The following KCNN2 variants were observed in gnomAD, a reference collection of about 807,000 sequenced individuals.
KCNN2 encodes potassium calcium-activated channel subfamily N member 2.
A neutral mutation model predicts 55.5 loss-of-function variants in KCNN2; 24 were observed. That is an observed-to-expected ratio of 0.43 (90% CI 0.31 to 0.61). The LOEUF (loss-of-function observed/expected upper bound fraction) is 0.61, where lower values mean the gene tolerates loss of function less well. Ranked by LOEUF, KCNN2 falls within the 20% of genes least tolerant of loss-of-function variation. The pLI, the probability that KCNN2 is intolerant of heterozygous loss-of-function variation, is 0.08. For synonymous variants in KCNN2, 431 were observed against 336.1 expected, an observed-to-expected ratio of 1.28 and a Z score of -3.09; for missense variants, 754 against 853.6, an observed-to-expected ratio of 0.88 and a Z score of 1.45.
chr5:114,380,378 C>T (rs402876), intron 2 of KCNN2, among the ~76,000 whole-genome samples: 1 of 152,134 alleles, frequency 6.6e-6, no homozygotes, highest in Non-Finnish European at 1.5e-5. Context: ...TGCCCTGGCT[C>T]TCTCTCATTT....
At chr5:114,159,159 T>C (rs1752707870) in intron 1 of KCNN2, among the ~76,000 whole-genome samples, 3 of 152,192 alleles carry the variant, frequency 2.0e-5, no homozygotes, top group African/African-American at 7.2e-5. Context: ...TAGCGCTTAT[T>C]ATTTTGAGAT....
upstream of KCNN2, among the ~76,000 whole-genome samples, chr5:114,357,980 A>G (rs902762883): frequency 3.1e-4 from 47 of 150,438 alleles, no homozygotes; most frequent in African/African-American, 1.1e-3. Context: ...TGACTTTTTA[A>G]TGATCACCAT....
chr5:114,148,802 A>T (rs763560030), intron 1 of KCNN2, among the ~76,000 whole-genome samples: 5 of 152,090 alleles, frequency 3.3e-5, no homozygotes, highest in Non-Finnish European at 5.9e-5. Flanking sequence ...AAACAAGGAG[A>T]GATCAAATTC....
chr5:114,210,370 T>C lies in KCNN2; in HGVS notation c.-270-11110T>C, dbSNP rs114434731. Among the ~76,000 whole-genome samples, 388 of 152,268 alleles carry C rather than the reference T, an allele frequency of 2.5e-3. 4 individuals carry two copies. The highest frequency in any genetic ancestry group is 9.0e-3 in the African/African-American group (374 of 41,552). ...GAGCTGTCAAGGAAAATGTTGCAAC[T>C]GGAGGCTGGTAGGAACCTAACCCTG... On this transcript the variant is annotated intron_variant, in intron 1 of 10. Transcript: ENST00000512097.
At chr5:114,369,464 G>C (rs1049780131) in intron 2 of KCNN2, among the ~76,000 whole-genome samples, 3 of 152,132 alleles carry the variant, frequency 2.0e-5, no homozygotes, top group African/African-American at 7.2e-5. Context: ...ATCTTGGATT[G>C]GTCTTAAGTT....
chr5:114,294,019 C>G (rs1356342306), intron 2 of KCNN2, among the ~76,000 whole-genome samples: 1 of 152,154 alleles, frequency 6.6e-6, no homozygotes, highest in African/African-American at 2.4e-5. Context: ...GTTTGTATTT[C>G]TGTGGGATCG....
chr5:114,198,642 C>T (rs1392654851), intron 1 of KCNN2, among the ~76,000 whole-genome samples: 4 of 151,816 alleles, frequency 2.6e-5, no homozygotes, highest in East Asian at 3.9e-4. Context: ...AATGCTGAAT[C>T]GAGTAGTATT....
intron 5 of KCNN2, among the ~76,000 whole-genome samples, chr5:114,482,927 C>T (rs550882992): frequency 2.6e-5 from 4 of 151,934 alleles, no homozygotes; most frequent in East Asian, 3.9e-4. Flanking sequence ...AGCTAATGGA[C>T]GCTGGGTTTA....
At position 114,363,120 on chromosome 5, in the gene KCNN2, G is replaced by A; in HGVS notation, c.981G>A (p.Gln327=). ...SGTKSSKKKN[Q]NIGYKLGHRR... is the part of the protein sequence containing the mutation. ...CCAAGTCCAGCAAAAAGAAAAACCA[G>A]AACATCGGCTACAAGCTGGGCCACC... Residue 327 remains glutamine, a synonymous_variant, in exon 1 of 8, where the codon CAG becomes CAA. Transcript: ENST00000673685. 6.2e-7 allele frequency: 1 copy of A among 1,613,480 alleles called. No individual in the cohort carries two copies. Among genetic ancestry groups the A allele is most frequent in the Non-Finnish European group, 8.5e-7 (1 of 1,179,994 alleles).
At chr5:114,252,786 TGTGA>T (rs34357985) in intron 2 of KCNN2, among the ~76,000 whole-genome samples, 129,580 of 147,028 alleles carry the variant, frequency 0.88, 57,021 homozygotes, top group East Asian at 0.94. Context: ...TGTGTGTGTG[TGTGA>T]GAGAGAGAGA....
At chr5:114,384,954 A>T (rs1026680977) in intron 2 of KCNN2, among the ~76,000 whole-genome samples, 13 of 151,166 alleles carry the variant, frequency 8.6e-5, no homozygotes, top group African/African-American at 2.9e-4. Flanking sequence ...ATCATTAAGG[A>T]ACTGGTCTTA....
intron 4 of KCNN2, among the ~76,000 whole-genome samples, chr5:114,470,177 T>C (rs1008884761): frequency 1.3e-5 from 2 of 152,178 alleles, no homozygotes; most frequent in African/African-American, 4.8e-5. Context: ...CCAAGGCTCT[T>C]GATTCCAGTG....
intron 1 of KCNN2, among the ~76,000 whole-genome samples, chr5:114,193,936 T>A (rs116086944): frequency 0.03 from 4,551 of 152,252 alleles, 235 homozygotes; most frequent in African/African-American, 0.1. Context: ...TCAGTGTTTT[T>A]AATTATATCC....
Position 114,241,732 on chromosome 5 carries a change from ACATATATACG to A in KCNN2, c.-185+20168_-185+20177del, listed in dbSNP as rs1754631566. Among the ~76,000 whole-genome samples, 8 of 70,812 alleles carry A rather than the reference ACATATATACG, an allele frequency of 1.1e-4. 1 individual carries two copies. The highest frequency in any genetic ancestry group is 4.6e-4 in the African/African-American group (7 of 15,126). 46.5% of individuals were successfully genotyped at this position (70,812 alleles called of 152,430 possible). ...TATATATATATATACGTATATATAT[ACATATATACG>A]TATATATATGTATATATATACGTAT... On this transcript the variant is annotated intron_variant, in intron 2 of 10. Transcript: ENST00000512097.
chr5:114,208,928 T>C (rs1201788882), intron 1 of KCNN2, among the ~76,000 whole-genome samples: 1 of 152,236 alleles, frequency 6.6e-6, no homozygotes, highest in Non-Finnish European at 1.5e-5. Flanking sequence ...CCAGTCATTA[T>C]TTCAGTTTTG....
intron 2 of KCNN2, among the ~76,000 whole-genome samples, chr5:114,383,760 G>T (rs1361153530): frequency 6.6e-6 from 1 of 152,198 alleles, no homozygotes; most frequent in African/African-American, 2.4e-5. Context: ...GAGCCACCAT[G>T]CCTGGCCCAC....
rs76793659 is a variant in KCNN2 at position 114,379,531 on chromosome 5, ATAT to A, written c.1218+15534_1218+15536del. ...ATATTTATAGAATATATTATATAACATATTATATATTATAGAATATATTATATA... is the reference window on the plus strand; with the variant it reads ...ATATTTATAGAATATATTATATAACATATATATTATAGAATATATTATATA... On this transcript the variant is annotated intron_variant, in intron 2 of 7. Coordinates refer to ENST00000673685, the MANE Select transcript of KCNN2 (RefSeq NM_021614.4). Among the ~76,000 whole-genome samples, 37 of 91,830 alleles carry A rather than the reference ATAT, an allele frequency of 4.0e-4. 1 individual carries two copies. In the East Asian group the frequency reaches 4.3e-3, roughly 11 times the overall value. 60.2% of individuals were successfully genotyped at this position (91,830 alleles called of 152,430 possible).
At chr5:114,457,640 A>G (rs1351589381) in intron 3 of KCNN2, among the ~76,000 whole-genome samples, 2 of 152,230 alleles carry the variant, frequency 1.3e-5, no homozygotes, top group East Asian at 3.9e-4. Context: ...CAGCTTAATA[A>G]TCAAGCAGAA....
intron 1 of KCNN2, among the ~76,000 whole-genome samples, chr5:114,140,140 T>C (rs1256140546): frequency 1.3e-5 from 2 of 152,184 alleles, no homozygotes; most frequent in Non-Finnish European, 2.9e-5. Context: ...AAAGTTTTAA[T>C]TTTCTACATG....
Sources: gnomAD v4.1 joint callset for allele counts (sites outside exome capture counted in the v4.1 genomes callset) on GRCh38, gnomAD v4.1.1 for gene constraint, MANE v1.5 for transcripts, NCBI Gene and HGNC (gene_info 2026-07-23, HGNC 2026-07-21) for gene names.